Variants in GRIK1 observed in about 807,000 individuals in gnomAD.
GRIK1 encodes the protein glutamate receptor ionotropic, kainate 1.
In GRIK1, 69 loss-of-function variants were observed where a neutral mutation model predicts 105.7. The ratio of observed to expected loss-of-function variants is 0.65; its 90% CI spans 0.54 to 0.80. GRIK1 has a LOEUF of 0.80. Ranked by LOEUF, GRIK1 falls within the 30% of genes least tolerant of loss-of-function variation. The pLI, the probability that GRIK1 is intolerant of heterozygous loss-of-function variation, is 0.00. For synonymous variants in GRIK1, 438 were observed against 431.3 expected (o/e 1.02, Z -0.19); for missense variants, 1,109 against 1,167.3 (o/e 0.95, Z 0.73).
At chr21:29,608,302 A>G (rs761140901) in intron 7 of GRIK1, among the ~76,000 whole-genome samples, 7 of 152,192 alleles carry the variant, frequency 4.6e-5, no homozygotes, top group Non-Finnish European at 8.8e-5. Context: ...AATATGTTCC[A>G]AAGTATGAAA....
intron 1 of GRIK1, among the ~76,000 whole-genome samples, chr21:29,860,134 G>T (rs576004504): frequency 6.6e-6 from 1 of 152,218 alleles, no homozygotes; most frequent in Admixed American, 6.5e-5. Flanking sequence ...CTAGGCCAGG[G>T]TTTGTTAAGA....
intron 1 of GRIK1, among the ~76,000 whole-genome samples, chr21:29,884,735 C>T (rs1465121641): frequency 6.6e-6 from 1 of 152,062 alleles, no homozygotes; most frequent in African/African-American, 2.4e-5. Context: ...CAAGACGAGA[C>T]AACGGAGATT....
At chr21:29,914,443 G>C (rs536559247) in intron 1 of GRIK1, among the ~76,000 whole-genome samples, 1 of 152,174 alleles carries the variant, frequency 6.6e-6, no homozygotes, top group South Asian at 2.1e-4. Flanking sequence ...CTATGGGGCA[G>C]TCATGTGAGA....
intron 1 of GRIK1, among the ~76,000 whole-genome samples, chr21:29,741,795 A>G (rs2064936261): frequency 4.6e-5 from 7 of 152,222 alleles, no homozygotes; most frequent in African/African-American, 7.2e-5. Context: ...GGGACTTTAC[A>G]TGTTTCCACA....
chr21:29,894,859 G>T (rs933249846), intron 1 of GRIK1, among the ~76,000 whole-genome samples: 14 of 152,106 alleles, frequency 9.2e-5, no homozygotes, highest in Admixed American at 3.9e-4. Context: ...GTTTAACTTG[G>T]CTATTTCCCC....
chr21:29,859,106 G>A (rs547604022), intron 1 of GRIK1, among the ~76,000 whole-genome samples: 10 of 150,806 alleles, frequency 6.6e-5, no homozygotes, highest in Admixed American at 1.3e-4. Flanking sequence ...GCAAACTATC[G>A]CAAGGACGAA....
intron 1 of GRIK1, among the ~76,000 whole-genome samples, chr21:29,888,240 TC>T (rs1463380069): frequency 7.8e-6 from 1 of 128,642 alleles, no homozygotes; most frequent in African/African-American, 2.9e-5. Context: ...TCTCCTTCCT[TC>T]CTTCCTTCTT....
intron 1 of GRIK1, among the ~76,000 whole-genome samples, chr21:29,897,331 T>C (rs534343159): frequency 3.9e-5 from 6 of 152,128 alleles, no homozygotes; most frequent in African/African-American, 1.4e-4. Flanking sequence ...GCAAATGAAA[T>C]TGACATGGAA....
intron 1 of GRIK1, among the ~76,000 whole-genome samples, chr21:29,734,323 A>T (rs1005848234): frequency 1.3e-5 from 2 of 151,322 alleles, no homozygotes; most frequent in African/African-American, 4.9e-5. Context: ...TGATCCTTTT[A>T]ATGGATATAC....
rs558840855 is a variant in GRIK1 at position 29,939,879 on chromosome 21, A to G, written c.-379T>C. On this transcript the variant is annotated 5_prime_UTR_variant, in exon 1 of 18. Coordinates refer to ENST00000327783, the MANE Select transcript of GRIK1 (RefSeq NM_001330994.2). ...TTTGGTCAGATGCAAAAGTCGGGGG[A>G]TAGGCACAGACAGAGGAGGGAAAAG... is the stretch of plus-strand genomic sequence containing the variant. 3 of 180,462 alleles carry G rather than the reference A, an allele frequency of 1.7e-5. No individual in the cohort carries two copies. In the South Asian group the frequency reaches 4.6e-4, roughly 28 times the overall value. The allele number at this position is 180,462 out of a possible 1,614,324, so 11.2% of individuals were successfully genotyped here.
At chr21:29,863,661 T>C (rs900505939) in intron 1 of GRIK1, among the ~76,000 whole-genome samples, 2 of 152,202 alleles carry the variant, frequency 1.3e-5, no homozygotes, top group African/African-American at 2.4e-5. Flanking sequence ...ATTCTTCCAA[T>C]GTTGTTTTAT....
chr21:29,727,548 C>T (rs1290805594), intron 1 of GRIK1, among the ~76,000 whole-genome samples: 1 of 152,084 alleles, frequency 6.6e-6, no homozygotes, highest in Non-Finnish European at 1.5e-5. Flanking sequence ...CAGAGAAGAC[C>T]TAACTGCATG....
chr21:29,837,872 C>CTCTCCACAAAATAAAA (rs1156311279), intron 1 of GRIK1, among the ~76,000 whole-genome samples: 4 of 152,158 alleles, frequency 2.6e-5, no homozygotes, highest in Non-Finnish European at 4.4e-5. Flanking sequence ...GAGAAGCCCC[C>CTCTCCACAAAATAAAA]AGTATTCTAT....
At chr21:29,723,528 A>T (rs922210996) in intron 1 of GRIK1, among the ~76,000 whole-genome samples, 2 of 152,246 alleles carry the variant, frequency 1.3e-5, no homozygotes, top group African/African-American at 4.8e-5. Flanking sequence ...AAACAAATAG[A>T]TAAACAGATT....
chr21:29,696,873 T>C (rs1411641306), intron 1 of GRIK1, among the ~76,000 whole-genome samples: 1 of 152,210 alleles, frequency 6.6e-6, no homozygotes, highest in Non-Finnish European at 1.5e-5. Context: ...TTCTGAATTT[T>C]GAAACCTGAT....
chr21:29,745,246 C>T (rs988778527), intron 1 of GRIK1, among the ~76,000 whole-genome samples: 2 of 152,154 alleles, frequency 1.3e-5, no homozygotes, highest in Admixed American at 6.5e-5. Context: ...CAACGATCCT[C>T]AAGACTTGAA....
intron 1 of GRIK1, among the ~76,000 whole-genome samples, chr21:29,834,462 A>G (rs934524745): frequency 6.6e-6 from 1 of 151,312 alleles, no homozygotes; most frequent in African/African-American, 2.4e-5. Context: ...AGAGAAACTG[A>G]TGGATCTGCT....
intron 1 of GRIK1, among the ~76,000 whole-genome samples, chr21:29,887,360 A>G (rs1219091020): frequency 6.6e-6 from 1 of 152,030 alleles, no homozygotes; most frequent in Admixed American, 6.6e-5. Context: ...AATAAATCTG[A>G]CTCCCATATT....
intron 1 of GRIK1, among the ~76,000 whole-genome samples, chr21:29,916,722 A>G (rs1279404033): frequency 6.6e-6 from 1 of 151,862 alleles, no homozygotes; most frequent in Non-Finnish European, 1.5e-5. Flanking sequence ...TCCACTTCAG[A>G]AAGCCAAAGT....
Sources: allele counts gnomAD v4.1 joint callset (sites outside exome capture counted in the v4.1 genomes callset), GRCh38; gene constraint gnomAD v4.1.1; transcripts MANE v1.5; gene names NCBI Gene and HGNC (gene_info 2026-07-23, HGNC 2026-07-21).